Variants in MME observed in about 807,000 individuals in gnomAD.
The protein encoded by MME is membrane metalloendopeptidase.
A neutral mutation model predicts 113.2 loss-of-function variants in MME; 98 were observed. That is an observed-to-expected ratio of 0.87 (90% CI 0.74 to 1.02). The LOEUF is 1.02. Ranked by LOEUF, MME falls within the 50% of genes least tolerant of loss-of-function variation. The pLI, the probability that MME is intolerant of heterozygous loss-of-function variation, is 0.00. For missense variants in MME, 836 were observed against 896.0 expected, an observed-to-expected ratio of 0.93 and a Z score of 0.86; for synonymous variants, 292 against 300.6, an observed-to-expected ratio of 0.97 and a Z score of 0.30.
chr3:155,148,425 A>G, intron 15 of MME, 125 bp from the exon 16 acceptor site: 3 of 662,978 alleles, frequency 4.5e-6, no homozygotes, highest in African/African-American at 1.8e-5. Context: ...CTTTTTTGGT[A>G]AGTTTTTTAA....
chr3:155,142,428 G>T, intron 12 of MME, 98 bp downstream of exon 12: 1 of 1,007,258 alleles, frequency 9.9e-7, no homozygotes, highest in Non-Finnish European at 1.5e-6. Context: ...GGTGAACTTT[G>T]CAAAGGGACA....
intron 1 of MME, among the ~76,000 whole-genome samples, chr3:155,043,332 CTT>C: frequency 6.8e-6 from 1 of 147,724 alleles, no homozygotes; most frequent in Non-Finnish European, 1.5e-5. Context: ...CTTTTTCTTT[CTT>C]TCTTTTTTTT....
chr3:155,046,229 A>T (rs57357048), intron 1 of MME, among the ~76,000 whole-genome samples: 3 of 152,120 alleles, frequency 2.0e-5, no homozygotes, highest in African/African-American at 7.2e-5. Context: ...CTTAAAGTTT[A>T]CTGACTGGTT....
intron 1 of MME, among the ~76,000 whole-genome samples, chr3:155,066,191 A>G (rs549905263): frequency 1.3e-5 from 2 of 152,334 alleles, no homozygotes; most frequent in Non-Finnish European, 2.9e-5. Flanking sequence ...ATTTTATAGT[A>G]CTAGTTTAAG....
intron 11 of MME, 33 bp from the exon 12 acceptor site, chr3:155,142,204 T>C: frequency 6.2e-7 from 1 of 1,612,792 alleles, no homozygotes; most frequent in Non-Finnish European, 8.5e-7. Flanking sequence ...GCCTCATCTT[T>C]TCTGTTGCTG....
intron 8 of MME, among the ~76,000 whole-genome samples, chr3:155,124,912 G>T (rs1343554945): frequency 6.6e-6 from 1 of 152,218 alleles, no homozygotes; most frequent in Non-Finnish European, 1.5e-5. Context: ...GCCTATAGTG[G>T]CAGGCAGGCC....
intron 17 of MME, among the ~76,000 whole-genome samples, chr3:155,162,748 C>T (rs997654640): frequency 9.9e-5 from 15 of 151,792 alleles, no homozygotes; most frequent in Non-Finnish European, 1.5e-4. Flanking sequence ...TGTGGTGGCT[C>T]ATGTCTGTAA....
intron 16 of MME, among the ~76,000 whole-genome samples, chr3:155,153,636 T>C (rs1232301947): frequency 1.3e-5 from 2 of 152,148 alleles, no homozygotes; most frequent in Non-Finnish European, 2.9e-5. Flanking sequence ...GAACTTCCTG[T>C]GATATAATTG....
intron 1 of MME, among the ~76,000 whole-genome samples, chr3:155,039,177 G>A (rs1215181870): frequency 1.3e-5 from 2 of 152,166 alleles, no homozygotes; most frequent in Admixed American, 6.5e-5. Flanking sequence ...TAGCCCATTC[G>A]TAATGGTGGA....
intron 17 of MME, among the ~76,000 whole-genome samples, chr3:155,165,266 G>A (rs1474863172): frequency 6.6e-6 from 1 of 152,124 alleles, no homozygotes; most frequent in Non-Finnish European, 1.5e-5. Context: ...TAAGGTCAAA[G>A]ATTAGTTACC....
At chr3:155,168,974 C>T (rs1443042346) in intron 20 of MME, 177 bp downstream of exon 20, 2 of 600,454 alleles carry the variant, frequency 3.3e-6, no homozygotes, top group East Asian at 2.9e-5. Context: ...AGGGTCAATA[C>T]ATTGATGTGA....
chr3:155,033,101 G>A (rs1188602766), intron 1 of MME, among the ~76,000 whole-genome samples: 1 of 152,230 alleles, frequency 6.6e-6, no homozygotes, highest in East Asian at 1.9e-4. Flanking sequence ...GTGATTGGAA[G>A]AGGGGAGATC....
At chr3:155,117,240 A>T (rs1718701146) in intron 7 of MME, among the ~76,000 whole-genome samples, 1 of 152,172 alleles carries the variant, frequency 6.6e-6, no homozygotes. Flanking sequence ...AAAACAAATG[A>T]TAAGAAGGGC....
chr3:155,130,864 T>A (rs981937664), intron 8 of MME, among the ~76,000 whole-genome samples: 3 of 150,860 alleles, frequency 2.0e-5, no homozygotes, highest in African/African-American at 4.9e-5. Flanking sequence ...CATTTTTTTT[T>A]AATTCAACAG....
At chr3:155,149,920 G>A (rs1042817736) in intron 16 of MME, among the ~76,000 whole-genome samples, 1 of 152,138 alleles carries the variant, frequency 6.6e-6, no homozygotes, top group Non-Finnish European at 1.5e-5. Context: ...ATTATAGAAT[G>A]TTTAGTGTCC....
intron 1 of MME, among the ~76,000 whole-genome samples, chr3:155,057,304 C>T (rs1229049591): frequency 6.6e-6 from 1 of 152,090 alleles, no homozygotes; most frequent in South Asian, 2.1e-4. Flanking sequence ...ACAGACACTT[C>T]TCAAAAGAAG....
chr3:155,108,078 G>A (rs1400039914), intron 3 of MME, among the ~76,000 whole-genome samples: 1 of 152,122 alleles, frequency 6.6e-6, no homozygotes, highest in African/African-American at 2.4e-5. Flanking sequence ...CATAAAACAA[G>A]GCTATGTATT....
In MME at chr3:155,130,685, C is replaced by T. The variant is rs113550368; in HGVS notation, c.721-7417C>T. ...AAGAACACAAGCTGAGATTGGCTAT[C>T]CTGTAGATGAGCAGGTGCAAGCTGG... is the stretch of plus-strand genomic sequence containing the variant. On this transcript the variant is annotated intron_variant, in intron 8 of 22. Transcript: ENST00000360490. Among the ~76,000 whole-genome samples, 404 of 152,170 alleles carry T rather than the reference C, an allele frequency of 2.7e-3. 1 individual carries two copies. The highest frequency in any genetic ancestry group is 6.8e-3 in the Middle Eastern group (2 of 294).
At chr3:155,136,716 C>T (rs985244816) in intron 8 of MME, among the ~76,000 whole-genome samples, 3 of 152,178 alleles carry the variant, frequency 2.0e-5, no homozygotes, top group Non-Finnish European at 4.4e-5. Flanking sequence ...ACTGTAAATT[C>T]AGATGCACCT....
Sources: allele counts gnomAD v4.1 joint callset (sites outside exome capture counted in the v4.1 genomes callset), GRCh38; gene constraint gnomAD v4.1.1; transcripts MANE v1.5; gene names NCBI Gene and HGNC (gene_info 2026-07-23, HGNC 2026-07-21).